TSPAN7: variants seen among roughly 807,000 people sequenced by gnomAD.
The protein encoded by TSPAN7 is tetraspanin 7.
TSPAN7 carries 1 observed loss-of-function variant against 17.6 expected under a neutral mutation model. The ratio of observed to expected loss-of-function variants is 0.06; its 90% CI spans 0.02 to 0.27. TSPAN7 has a LOEUF of 0.27. TSPAN7 is among the 10% of genes least tolerant of loss of function. The pLI, the probability that TSPAN7 is intolerant of heterozygous loss-of-function variation, is 1.00. For synonymous variants in TSPAN7, 78 were observed against 79.0 expected (o/e 0.99, Z 0.07); for missense variants, 112 against 201.7 (o/e 0.56, Z 2.69).
intron 1 of TSPAN7, among the ~76,000 whole-genome samples, chrX:38,584,046 C>T (rs1407941961): frequency 2.9e-5 from 3 of 104,671 alleles, no homozygotes; most frequent in Admixed American, 1.0e-4. Flanking sequence ...CTCCACCTCC[C>T]GGATTCATGC....
At chrX:38,659,890 G>A (rs1339897887) in intron 1 of TSPAN7, among the ~76,000 whole-genome samples, 1 of 92,169 alleles carries the variant, frequency 1.1e-5, no homozygotes, top group East Asian at 3.4e-4. Flanking sequence ...ACAGTGGCAT[G>A]ATCTTGGCTC....
At chrX:38,605,043 T>G (rs2069370435) in intron 1 of TSPAN7, among the ~76,000 whole-genome samples, 1 of 110,564 alleles carries the variant, frequency 9.0e-6, no homozygotes, top group Non-Finnish European at 1.9e-5. Flanking sequence ...CAACATAGTG[T>G]TGGAAGTTCT....
At chrX:38,589,824 C>T (rs937029947) in intron 1 of TSPAN7, among the ~76,000 whole-genome samples, 3 of 111,752 alleles carry the variant, frequency 2.7e-5, no homozygotes, top group Non-Finnish European at 5.7e-5. Flanking sequence ...TTATCATTCC[C>T]CCCTTAATTT....
intron 1 of TSPAN7, among the ~76,000 whole-genome samples, chrX:38,629,481 C>T (rs141527762): frequency 5.4e-5 from 6 of 112,025 alleles, no homozygotes; most frequent in South Asian, 3.7e-4. Flanking sequence ...ATACTGTTTC[C>T]GAAAAAGCTT....
At chrX:38,608,398 A>G (rs1344388885) in intron 1 of TSPAN7, 1 of 110,263 alleles carries the variant, frequency 9.1e-6, no homozygotes, top group Non-Finnish European at 1.9e-5. Context: ...GCTGACTCCA[A>G]TCCAATATGG....
chrX:38,675,867 G>A lies in TSPAN7; in HGVS notation c.597+7G>A, dbSNP rs781136923. The stretch of plus-strand genomic sequence containing the variant: ...CACCAAAGTTAACCAGAAGGTACCC[G>A]CTTTCTCCTGGCCCAGATGGGACCA... On this transcript the variant is annotated splice_region_variant and intron_variant, in intron 5 of 7. Transcript: ENST00000378482. The A allele has an allele frequency of 2.7e-5, 33 of 1,208,953 alleles. No individual in the cohort carries two copies. The highest frequency in any genetic ancestry group is 4.4e-5 in the Admixed American group (2 of 45,665).
At chrX:38,662,962 T>C (rs898622622) in intron 1 of TSPAN7, among the ~76,000 whole-genome samples, 2 of 110,453 alleles carry the variant, frequency 1.8e-5, no homozygotes, top group Admixed American at 1.9e-4. Flanking sequence ...ATGGTGTTCA[T>C]AGTATTGTGT....
chrX:38,648,371 TC>T (rs1277027890), intron 1 of TSPAN7, among the ~76,000 whole-genome samples: 1 of 112,264 alleles, frequency 8.9e-6, no homozygotes, highest in Non-Finnish European at 1.9e-5. Context: ...ACTACATGTG[TC>T]CCCTCCTATT....
At chrX:38,650,113 GAGA>G (rs1468834836) in intron 1 of TSPAN7, among the ~76,000 whole-genome samples, 20 of 112,101 alleles carry the variant, frequency 1.8e-4, no homozygotes, top group African/African-American at 6.5e-4. Flanking sequence ...TGATGTGCAA[GAGA>G]AGTACATCCC....
intron 1 of TSPAN7, among the ~76,000 whole-genome samples, chrX:38,658,322 A>G (rs1172990957): frequency 9.2e-6 from 1 of 108,967 alleles, no homozygotes; most frequent in African/African-American, 3.4e-5. Context: ...CTGGGACTAC[A>G]GGCATGTGCT....
intron 1 of TSPAN7, among the ~76,000 whole-genome samples, chrX:38,614,321 G>C (rs1247462192): frequency 2.7e-5 from 3 of 111,693 alleles, no homozygotes; most frequent in East Asian, 2.8e-4. Flanking sequence ...CATGTGTAGA[G>C]ATGCAAGTAA....
chrX:38,645,109 C>G (rs564734567), intron 1 of TSPAN7, among the ~76,000 whole-genome samples: 1 of 112,255 alleles, frequency 8.9e-6, no homozygotes, highest in African/African-American at 3.2e-5. Flanking sequence ...AGTCACCCCA[C>G]CCATCTGCAC....
chrX:38,590,122 C>CT (rs1349059161), intron 1 of TSPAN7, among the ~76,000 whole-genome samples: 3 of 111,138 alleles, frequency 2.7e-5, no homozygotes, highest in Non-Finnish European at 3.8e-5. Context: ...TTTTTTGTGA[C>CT]TTTTTTTTGT....
chrX:38,585,613 T>C lies in TSPAN7; in HGVS notation c.81+23986T>C, dbSNP rs147244177. 4.8e-3 allele frequency among the ~76,000 whole-genome samples: 532 copies of C among 111,846 alleles called. 3 individuals carry two copies. Among genetic ancestry groups the C allele is most frequent in the African/African-American group, 0.016 (503 of 30,798 alleles). ...AAAATATGTAATTATTCAATGGATGTGATATAGTTTGGAGATTTTTCCCCT... is the reference window on the plus strand; with the variant it reads ...AAAATATGTAATTATTCAATGGATGCGATATAGTTTGGAGATTTTTCCCCT... On this transcript the variant is annotated intron_variant, in intron 1 of 7. Coordinates refer to ENST00000378482, the MANE Select transcript of TSPAN7 (RefSeq NM_004615.4).
At chrX:38,562,133 A>G (rs1410015161) in intron 1 of TSPAN7, among the ~76,000 whole-genome samples, 1 of 111,619 alleles carries the variant, frequency 9.0e-6, no homozygotes, top group Non-Finnish European at 1.9e-5. Context: ...GGGAGGCACC[A>G]GAAGCACCGT....
At chrX:38,602,222 T>C (rs2069350387) in intron 1 of TSPAN7, among the ~76,000 whole-genome samples, 2 of 112,115 alleles carry the variant, frequency 1.8e-5, no homozygotes, top group African/African-American at 6.5e-5. Context: ...GTATGATGTA[T>C]GTGCTTTCTG....
At chrX:38,659,069 C>G (rs73198490) in intron 1 of TSPAN7, among the ~76,000 whole-genome samples, 2 of 108,382 alleles carry the variant, frequency 1.8e-5, no homozygotes, top group Non-Finnish European at 3.8e-5. Flanking sequence ...TACATGTACA[C>G]GAGACAAAAA....
chrX:38,575,564 G>A (rs1007370416), intron 1 of TSPAN7, among the ~76,000 whole-genome samples: 1 of 111,395 alleles, frequency 9.0e-6, no homozygotes, highest in Non-Finnish European at 1.9e-5. Flanking sequence ...CTATATGTGA[G>A]AAAATAAAAT....
intron 1 of TSPAN7, among the ~76,000 whole-genome samples, chrX:38,621,618 C>T (rs773221882): frequency 5.3e-5 from 6 of 112,152 alleles, no homozygotes; most frequent in East Asian, 2.8e-4. Flanking sequence ...AAACTGGTAA[C>T]GGTGGTTTGC....
Sources: gnomAD v4.1 joint callset for allele counts (sites outside exome capture counted in the v4.1 genomes callset) on GRCh38, gnomAD v4.1.1 for gene constraint, MANE v1.5 for transcripts, NCBI Gene and HGNC (gene_info 2026-07-23, HGNC 2026-07-21) for gene names.